Variants in SUFU observed in about 807,000 individuals in gnomAD.
SUFU encodes SUFU negative regulator of hedgehog signaling.
Under a neutral mutation model 58.9 loss-of-function variants are expected in SUFU, and 7 were observed. That is an observed-to-expected ratio of 0.12 (90% CI 0.07 to 0.22). The LOEUF is 0.22. SUFU is among the 10% of genes least tolerant of loss of function. The probability of loss-of-function intolerance (pLI) is 1.00; values close to 1 mark genes in which losing one functional copy is unlikely to be tolerated. For synonymous variants in SUFU, 232 were observed against 254.8 expected, an observed-to-expected ratio of 0.91 and a Z score of 0.85; for missense variants, 451 against 641.3, an observed-to-expected ratio of 0.70 and a Z score of 3.20.
At chr10:102,522,868 C>T (rs947265260) in intron 2 of SUFU, among the ~76,000 whole-genome samples, 1 of 152,206 alleles carries the variant, frequency 6.6e-6, no homozygotes, top group African/African-American at 2.4e-5. Context: ...AAACCTGGTC[C>T]TGGTCCTCAT....
At chr10:102,606,894 G>A (rs760236395) in intron 8 of SUFU, among the ~76,000 whole-genome samples, 1 of 152,120 alleles carries the variant, frequency 6.6e-6, no homozygotes, top group East Asian at 1.9e-4. Flanking sequence ...GAATGGGAGA[G>A]TGATCCCAGA....
At chr10:102,575,724 A>G (rs976383430) in intron 3 of SUFU, among the ~76,000 whole-genome samples, 1 of 152,212 alleles carries the variant, frequency 6.6e-6, no homozygotes, top group Non-Finnish European at 1.5e-5. Flanking sequence ...GATTAGTGCC[A>G]CTGCATTTGG....
intron 3 of SUFU, among the ~76,000 whole-genome samples, chr10:102,550,320 A>G (rs1200855749): frequency 6.6e-6 from 1 of 152,206 alleles, no homozygotes; most frequent in Non-Finnish European, 1.5e-5. Flanking sequence ...TGTGCCCTCC[A>G]GCAGCAAGTT....
chr10:102,580,540 C>G (rs1241472383), intron 3 of SUFU, among the ~76,000 whole-genome samples: 4 of 152,092 alleles, frequency 2.6e-5, no homozygotes, highest in Non-Finnish European at 5.9e-5. Flanking sequence ...GAGGTGCTCA[C>G]TCTCAGCTTT....
chr10:102,535,398 A>G (rs7897368), intron 2 of SUFU, among the ~76,000 whole-genome samples: 46,094 of 151,436 alleles, frequency 0.3, 7,289 homozygotes, highest in Admixed American at 0.36. Flanking sequence ...AAGCAGGAGA[A>G]TCTCTTGAAC....
intron 3 of SUFU, among the ~76,000 whole-genome samples, chr10:102,577,080 C>CTTTTTTTTTTTTTTTTT (rs10656431): frequency 1.0e-5 from 1 of 97,086 alleles, no homozygotes; most frequent in Non-Finnish European, 2.2e-5. Context: ...TGGATTTTTT[C>CTTTTTTTTTTTTTTTTT]TTTTCTTTTT....
At chr10:102,576,600 A>T (rs988457234) in intron 3 of SUFU, among the ~76,000 whole-genome samples, 1 of 152,158 alleles carries the variant, frequency 6.6e-6, no homozygotes. Flanking sequence ...GTAGATATTT[A>T]TAAGTAGAAT....
At chr10:102,589,442 C>CTTTCTTTT (rs1554851911) in intron 3 of SUFU, among the ~76,000 whole-genome samples, 8 of 65,358 alleles carry the variant, frequency 1.2e-4, no homozygotes, top group African/African-American at 1.9e-4. Flanking sequence ...TTCTTTCTTT[C>CTTTCTTTT]TTTTTTTTTT....
At chr10:102,623,021 G>A in intron 10 of SUFU, among the ~76,000 whole-genome samples, 1 of 148,752 alleles carries the variant, frequency 6.7e-6, no homozygotes, top group Non-Finnish European at 1.5e-5. Context: ...AAAAAAGCAT[G>A]GGCCTTGGCC....
rs768454343 is a variant in SUFU, at chr10:102,630,137, C to T, written c.1437C>T (p.Phe479=). The T allele has an allele frequency of 5.0e-6, 8 of 1,614,158 alleles. No homozygotes were observed. Among genetic ancestry groups the T allele is most frequent in the Middle Eastern group, 1.7e-4 (1 of 6,056 alleles). The change falls in exon 12 of 12, where the codon TTC becomes TTT. Residue 479 remains phenylalanine, a synonymous_variant. Coordinates refer to ENST00000369902, the MANE Select transcript of SUFU (RefSeq NM_016169.4). ...TCTCCATCCTGCCTGACGTGGTGTT[C>T]GACAGTCCGCTACACTAGCCTGGGC... The part of the protein sequence containing the change: ...LKVSILPDVV[F]DSPLH
chr10:102,551,642 A>G (rs1196986814), intron 3 of SUFU, among the ~76,000 whole-genome samples: 2 of 151,826 alleles, frequency 1.3e-5, no homozygotes, highest in Non-Finnish European at 2.9e-5. Context: ...CGTATCAAAA[A>G]AAAAAAAGTA....
chr10:102,578,688 C>T lies in SUFU; in HGVS notation c.455-13894C>T, dbSNP rs186373449. ...ATGTCACCGCACTCCAGCCTGGCGACAGAGCAAGACTCCGTTTCAAAAAAA... is the reference window on the plus strand; with the variant it reads ...ATGTCACCGCACTCCAGCCTGGCGATAGAGCAAGACTCCGTTTCAAAAAAA... On this transcript the variant is annotated intron_variant, in intron 3 of 11. Transcript: ENST00000369902. Among the ~76,000 whole-genome samples, 6 of 138,324 alleles carry T rather than the reference C, an allele frequency of 4.3e-5. No homozygotes were observed. In the East Asian group the frequency reaches 1.3e-3, roughly 30 times the overall value. The allele number at this position is 138,324 out of a possible 152,430, so 90.7% of individuals were successfully genotyped here.
At chr10:102,551,717 CTTTTTTTTTTTTTT>C (rs771685480) in intron 3 of SUFU, among the ~76,000 whole-genome samples, 1 of 68,714 alleles carries the variant, frequency 1.5e-5, no homozygotes, top group African/African-American at 5.8e-5. Flanking sequence ...TATGTGCCTT[CTTTTTTTTTTTTTT>C]TTTTTTTTTT....
chr10:102,583,969 T>A (rs889071621), intron 3 of SUFU, among the ~76,000 whole-genome samples: 1 of 152,228 alleles, frequency 6.6e-6, no homozygotes, highest in Non-Finnish European at 1.5e-5. Context: ...CATCTGTTTC[T>A]TAAACCAGGA....
rs188557340 is a variant in SUFU at position 102,583,216 on chromosome 10, T to C, written c.455-9366T>C. On this transcript the variant is annotated intron_variant, in intron 3 of 11. Coordinates refer to ENST00000369902, the MANE Select transcript of SUFU (RefSeq NM_016169.4). ...ACTGTGACCAGGGCTCTTTCATTGT[T>C]AAGAAAGACCATTTCTTGTCCACAG... Among the ~76,000 whole-genome samples the C allele has an allele frequency of 2.2e-3, 338 of 152,304 alleles. 1 individual carries two copies. Among genetic ancestry groups the C allele is most frequent in the Non-Finnish European group, 3.5e-3 (240 of 68,004 alleles).
intron 3 of SUFU, among the ~76,000 whole-genome samples, chr10:102,569,682 A>G (rs2063141301): frequency 6.6e-6 from 1 of 152,194 alleles, no homozygotes. Flanking sequence ...GGGCAGGTAC[A>G]TAGACGGCTG....
rs1003932738 is a variant in SUFU, at chr10:102,631,458, C to T, written c.*1303C>T. On this transcript the variant is annotated 3_prime_UTR_variant, in exon 12 of 12. Coordinates refer to ENST00000369902, the MANE Select transcript of SUFU (RefSeq NM_016169.4). ...TTGGAGTTCCTCTCGGGTTATCTCC[C>T]ACGCCTGACCTGGAACCAGCAAGCC... The T allele has an allele frequency of 4.3e-5, 10 of 233,664 alleles. No individual in the cohort carries two copies. Among genetic ancestry groups the T allele is most frequent in the Non-Finnish European group, 7.6e-5 (9 of 118,456 alleles). 14.5% of individuals were successfully genotyped at this position (233,664 alleles called of 1,614,324 possible).
rs35214493 is a variant in SUFU, at chr10:102,518,549, T to TATCTATCTATCTATCTATC, written c.317+9246_317+9247insATCTATCTATCTATCTATC. ...TCTATCTATCTATCTATCTATCTAT[T>TATCTATCTATCTATCTATC]TATTTATTTATTTTTGACACAGGGC... On this transcript the variant is annotated intron_variant, in intron 2 of 11. Transcript: ENST00000369902. Among the ~76,000 whole-genome samples the TATCTATCTATCTATCTATC allele has an allele frequency of 6.1e-3, 492 of 80,206 alleles. 2 individuals are homozygous for TATCTATCTATCTATCTATC. The highest frequency in any genetic ancestry group is 0.015 in the East Asian group (38 of 2,470). The allele number at this position is 80,206 out of a possible 152,430, so 52.6% of individuals were successfully genotyped here.
intron 3 of SUFU, among the ~76,000 whole-genome samples, chr10:102,566,696 C>A (rs970059656): frequency 6.8e-6 from 1 of 146,514 alleles, no homozygotes; most frequent in African/African-American, 2.5e-5. Flanking sequence ...ACTTGGGAGG[C>A]GGAGGTTGCA....
Sources: gnomAD v4.1 joint callset for allele counts (sites outside exome capture counted in the v4.1 genomes callset) on GRCh38, gnomAD v4.1.1 for gene constraint, MANE v1.5 for transcripts, NCBI Gene and HGNC (gene_info 2026-07-23, HGNC 2026-07-21) for gene names.